PSRC1: variants seen among roughly 807,000 people sequenced by gnomAD.
The protein encoded by PSRC1 is proline and serine rich coiled-coil 1.
PSRC1 carries 30 observed loss-of-function variants against 31.9 expected under a neutral mutation model. That is an observed-to-expected ratio of 0.94 (90% CI 0.70 to 1.28). PSRC1 has a LOEUF of 1.28. Ranked by LOEUF, PSRC1 falls within the 50% of genes most tolerant of loss-of-function variation. The pLI is 0.00. For synonymous variants in PSRC1, 191 were observed against 192.1 expected (o/e 0.99, Z 0.05); for missense variants, 481 against 472.8 (o/e 1.02, Z -0.16).
At chr1:109,282,802 T>G in intron 1 of PSRC1, 66 bp from the exon 2 acceptor site, 1 of 1,502,958 alleles carries the variant, frequency 6.7e-7, no homozygotes, top group East Asian at 2.5e-5. Flanking sequence ...AGATTCAGGG[T>G]GCAAGCCAGG....
chr1:109,281,262 A>G lies in PSRC1; in HGVS notation c.520-11T>C. ...GCAAGTGGGTGACTCCTGAAACACA[A>G]AGAGAGAGAGAAAAAAGACTAGAGT... On this transcript the variant is annotated splice_polypyrimidine_tract_variant and intron_variant, in intron 4 of 6. Coordinates refer to ENST00000409138, the Ensembl canonical transcript of PSRC1. 4 of 1,561,156 alleles carry G rather than the reference A, an allele frequency of 2.6e-6. No individual in the cohort carries two copies. In the South Asian group the frequency reaches 4.7e-5, roughly 18 times the overall value.
chr1:109,281,036 G>T, exon 5 of PSRC1: 1 of 1,613,386 alleles, frequency 6.2e-7, no homozygotes, highest in Non-Finnish European at 8.5e-7. Flanking sequence ...ATCTGATGGG[G>T]GTGGGTGGGC....
At position 109,281,670 on chromosome 1, in the gene PSRC1, T is replaced by C. The variant is rs1419370793; in HGVS notation, c.468A>G (p.Ser156=). 4 of 1,613,970 alleles carry C rather than the reference T, an allele frequency of 2.5e-6. No homozygotes were observed. The Admixed American group carries it at 5.0e-5, about 20-fold the overall frequency. The change falls in exon 4 of 7, where the codon TCA becomes TCG. Residue 156 remains serine (S), a synonymous_variant. Transcript: ENST00000409138. Reference sequence around the variant, plus strand: ...CAGATGTAGCCCGGAGAGCCCTGACTGACCCCTTCCTATCATTACTCCGGA... The same window carrying C: ...CAGATGTAGCCCGGAGAGCCCTGACCGACCCCTTCCTATCATTACTCCGGA...
chr1:109,282,892 G>A, intron 1 of PSRC1, 156 bp from the exon 2 acceptor site: 1 of 664,132 alleles, frequency 1.5e-6, no homozygotes. Flanking sequence ...CTCCGGGAAC[G>A]ATACGGAGGG....
chr1:109,279,988 C>T (rs1656776525), exon 7 of PSRC1: 4 of 833,388 alleles, frequency 4.8e-6, no homozygotes, highest in Non-Finnish European at 8.2e-6. Context: ...CCTAATCCAC[C>T]CCATTTCCCA....
intron 2 of PSRC1, 25 bp from the exon 3 acceptor site, chr1:109,282,600 C>T: frequency 6.2e-7 from 1 of 1,612,894 alleles, no homozygotes; most frequent in Non-Finnish European, 8.5e-7. Context: ...AGAATGAAAG[C>T]CAGTCATGGG....
exon 7 of PSRC1, chr1:109,279,869 A>G: frequency 2.0e-6 from 1 of 500,118 alleles, no homozygotes; most frequent in South Asian, 3.3e-5. Flanking sequence ...AAGACAAACC[A>G]CTTGCCTGTA....
chr1:109,282,381 A>G (rs1201524394), intron 3 of PSRC1, 137 bp downstream of exon 3: 16 of 751,394 alleles, frequency 2.1e-5, no homozygotes, highest in Non-Finnish European at 3.4e-5. Flanking sequence ...TAGAGGCCCG[A>G]GTCAGCCAGC....
chr1:109,282,177 G>T, intron 3 of PSRC1, 117 bp from the exon 4 acceptor site: 1 of 933,496 alleles, frequency 1.1e-6, no homozygotes, highest in South Asian at 1.9e-5. Context: ...AGGCCCCGAT[G>T]CCCATGCTGG....
chr1:109,280,805 TC>T lies in PSRC1; in HGVS notation c.965del (p.Gly322AspfsTer17). 2 of 1,598,236 alleles carry T rather than the reference TC, an allele frequency of 1.3e-6. No individual in the cohort carries two copies. Among genetic ancestry groups the T allele is most frequent in the Non-Finnish European group, 1.7e-6 (2 of 1,169,630 alleles). On this transcript the variant is annotated frameshift_variant, in exon 5 of 7. Coordinates refer to ENST00000409138, the Ensembl canonical transcript of PSRC1. LOFTEE classifies it high-confidence loss of function. ...TGTGTCCACTTTCCCGCACTCTGTG[TC>T]CTGCAGTGCTTGGTCTTGGAAGCCC...
chr1:109,280,156 C>A, exon 7 of PSRC1: 2 of 1,613,926 alleles, frequency 1.2e-6, no homozygotes, highest in East Asian at 4.5e-5. Flanking sequence ...GATCTCTTTA[C>A]CTAAAGAAAT....
intron 3 of PSRC1, 189 bp downstream of exon 3, chr1:109,282,329 A>T: frequency 1.6e-6 from 1 of 625,174 alleles, no homozygotes; most frequent in Admixed American, 2.9e-5. Flanking sequence ...CCTGAAATCT[A>T]ACTCCAGCTT....
Position 109,281,825 on chromosome 1 carries a change from GC to G in PSRC1, c.312del (p.Pro105LeufsTer4). The G allele has an allele frequency of 1.2e-6, 2 of 1,613,956 alleles. No homozygotes were observed. Among genetic ancestry groups the G allele is most frequent in the South Asian group, 1.1e-5 (1 of 91,088 alleles). On this transcript the variant is annotated frameshift_variant, in exon 4 of 7. Coordinates refer to ENST00000409138, the Ensembl canonical transcript of PSRC1. LOFTEE classifies it high-confidence loss of function. ...CGAGGACTGGGCTTCACTCGGCGAGGCCCCAGGCCCTCGCCTGCGCTCTCCC... is the reference window on the plus strand; with the variant it reads ...CGAGGACTGGGCTTCACTCGGCGAGGCCCAGGCCCTCGCCTGCGCTCTCCC...
chr1:109,280,717 G>T, intron 5 of PSRC1, 60 bp downstream of exon 6: 1 of 1,391,372 alleles, frequency 7.2e-7, no homozygotes. Flanking sequence ...ACTGTTGACA[G>T]CTCTGGGAGG....
At chr1:109,280,295 A>G in intron 6 of PSRC1, 101 bp downstream of exon 7, 7 of 1,410,636 alleles carry the variant, frequency 5.0e-6, no homozygotes, top group Non-Finnish European at 7.0e-6. Flanking sequence ...TCCTCTCTCC[A>G]TCTTTCCATA....
chr1:109,281,166 C>G, exon 5 of PSRC1: 1 of 1,613,464 alleles, frequency 6.2e-7, no homozygotes, highest in Non-Finnish European at 8.5e-7. Context: ...GGGCCCGGCT[C>G]TCCCCCGGAC....
At chr1:109,280,429 G>T in exon 6 of PSRC1, 3 of 1,613,340 alleles carry the variant, frequency 1.9e-6, no homozygotes, top group Non-Finnish European at 2.5e-6. Context: ...TTTCCTGGGG[G>T]GCTGCAGATT....
exon 4 of PSRC1, chr1:109,282,058 C>A (rs41302083): frequency 1.3e-6 from 2 of 1,486,894 alleles, no homozygotes; most frequent in Non-Finnish European, 1.8e-6. Flanking sequence ...TTCCTCCTCA[C>A]GGCTGAGACA....
intron 3 of PSRC1, 69 bp from the exon 4 acceptor site, chr1:109,282,129 G>T: frequency 7.4e-7 from 1 of 1,345,010 alleles, no homozygotes; most frequent in Non-Finnish European, 9.9e-7. Context: ...AAGGGAGACT[G>T]CATAAAAGCC....
Sources: allele counts gnomAD v4.1 joint callset, GRCh38; gene constraint gnomAD v4.1.1; transcripts MANE v1.5; gene names NCBI Gene and HGNC (gene_info 2026-07-23, HGNC 2026-07-21).